RPS17: variants seen among roughly 807,000 people sequenced by gnomAD.
The protein encoded by RPS17 is ribosomal protein S17.
For synonymous variants in RPS17, 75 were observed against 65.6 expected (o/e 1.14, Z -0.70); for missense variants, 68 against 182.3 (o/e 0.37, Z 3.61).
intron 3 of RPS17, 112 bp from the exon 4 acceptor site, chr15:82,538,483 G>C: frequency 8.3e-7 from 1 of 1,212,088 alleles, no homozygotes; most frequent in Non-Finnish European, 1.2e-6. Context: ...CACAAGGATA[G>C]CATTCCTCTC....
In RPS17 at chr15:82,540,090, T is replaced by C; in HGVS notation, c.46A>G (p.Ile16Val). Reference protein sequence around the residue: ...TKTVKKAARVIIEKYYTRLGN... With the variant: ...TKTVKKAARVVIEKYYTRLGN... ...AGGCGCGTGTAGTACTTTTCTATGATGACCCGGGCCGCCTTCTTCACGGTT... is the reference window on the plus strand; with the variant it reads ...AGGCGCGTGTAGTACTTTTCTATGACGACCCGGGCCGCCTTCTTCACGGTT... The change falls in exon 2 of 5, where the codon ATC (isoleucine) becomes GTC (valine). Residue 16 changes from isoleucine (I) to valine (V), a missense_variant. Ile to Val is a conservative substitution (Grantham distance 29). Transcript: ENST00000647841. 1.9e-6 allele frequency: 3 copies of C among 1,613,524 alleles called. No homozygotes were observed. Among genetic ancestry groups the C allele is most frequent in the Admixed American group, 1.7e-5 (1 of 60,030 alleles).
chr15:82,536,784 A>T lies in RPS17; in HGVS notation c.*17T>A. The T allele has an allele frequency of 1.2e-6, 2 of 1,613,832 alleles. No homozygotes were observed. The highest frequency in any genetic ancestry group is 1.7e-6 in the Non-Finnish European group (2 of 1,179,688). ...GTCCCAGATTTATTGAAAATAATAC[A>T]GCACTACAGAAAAAATTCAAACAGG... On this transcript the variant is annotated 3_prime_UTR_variant, in exon 5 of 5. Transcript: ENST00000647841.
chr15:82,537,780 A>G (rs1190862860), intron 4 of RPS17: 1 of 439,698 alleles, frequency 2.3e-6, no homozygotes, highest in Non-Finnish European at 4.5e-6. Flanking sequence ...AATAGGAAAA[A>G]TGAAGTTGTT....
chr15:82,538,452 A>G, intron 3 of RPS17, 81 bp from the exon 4 acceptor site: 7 of 1,479,172 alleles, frequency 4.7e-6, no homozygotes, highest in Non-Finnish European at 6.6e-6. Flanking sequence ...CCAGGTTCTT[A>G]AATATGGGGA....
At chr15:82,536,951 C>A in intron 4 of RPS17, 70 bp from the exon 5 acceptor site, 1 of 1,585,452 alleles carries the variant, frequency 6.3e-7, no homozygotes. Context: ...GAAGAAAACA[C>A]AGGCCCCTAG....
chr15:82,539,864 C>A, intron 2 of RPS17, 117 bp downstream of exon 2: 1 of 1,519,486 alleles, frequency 6.6e-7, no homozygotes, highest in Non-Finnish European at 9.1e-7. Flanking sequence ...TTCTCCGGGA[C>A]ACCAGGGAGT....
At chr15:82,538,506 GTC>G (rs1411243165) in intron 3 of RPS17, 135 bp from the exon 4 acceptor site, 2 of 988,468 alleles carry the variant, frequency 2.0e-6, no homozygotes, top group Admixed American at 1.9e-5. Flanking sequence ...AAGGTGAGCA[GTC>G]TCTTACAGTA....
At chr15:82,539,391 T>C (rs894470305) in intron 2 of RPS17, 1 of 463,542 alleles carries the variant, frequency 2.2e-6, no homozygotes, top group Non-Finnish European at 4.3e-6. Flanking sequence ...AAGTAAGCAT[T>C]AGAAGTTGAC....
chr15:82,536,923 A>C, intron 4 of RPS17, 42 bp from the exon 5 acceptor site: 1 of 1,610,712 alleles, frequency 6.2e-7, no homozygotes, highest in Non-Finnish European at 8.5e-7. Context: ...TACTGGTGAG[A>C]TCTGTGAGTG....
intron 2 of RPS17, chr15:82,539,712 G>A: frequency 1.7e-6 from 1 of 601,230 alleles, no homozygotes; most frequent in East Asian, 2.9e-5. Context: ...AAAAAAGAAA[G>A]AAAAAAGTTG....
At chr15:82,538,225 G>T in intron 4 of RPS17, 81 bp downstream of exon 4, 3 of 1,499,178 alleles carry the variant, frequency 2.0e-6, no homozygotes, top group Non-Finnish European at 2.8e-6. Context: ...CCACTTACTA[G>T]CTGGGTGACC....
chr15:82,538,576 T>C (rs958821777), intron 3 of RPS17: 5 of 695,156 alleles, frequency 7.2e-6, no homozygotes, highest in East Asian at 5.5e-5. Flanking sequence ...TCATTCAGTA[T>C]TCAGAACACT....
intron 2 of RPS17, chr15:82,539,613 C>T: frequency 2.4e-6 from 1 of 411,720 alleles, no homozygotes; most frequent in Non-Finnish European, 4.7e-6. Context: ...CGCTTGAACC[C>T]GGGAGACGGA....
chr15:82,538,079 A>C, intron 4 of RPS17: 1 of 595,718 alleles, frequency 1.7e-6, no homozygotes. Context: ...AAGAGAGAAA[A>C]GGTGTCCTGG....
intron 4 of RPS17, chr15:82,538,000 C>G (rs1651959): frequency 0.3 from 144,366 of 482,898 alleles, 23,126 homozygotes; most frequent in South Asian, 0.42. Context: ...GAAAAGCAGG[C>G]AGATTCAGCC....
intron 3 of RPS17, chr15:82,538,621 A>T: frequency 1.5e-6 from 1 of 648,500 alleles, no homozygotes; most frequent in East Asian, 2.8e-5. Context: ...ATACTATATT[A>T]GGGGCAAACA....
At chr15:82,537,608 T>G (rs1395095843) in intron 4 of RPS17, 1 of 340,200 alleles carries the variant, frequency 2.9e-6, no homozygotes, top group Admixed American at 4.3e-5. Context: ...CATTTTAGTT[T>G]CAACAAAAAT....
In RPS17 at chr15:82,537,083, G is replaced by C. The variant is rs890673851; in HGVS notation, c.328-202C>G. The C allele has an allele frequency of 6.8e-4, 449 of 664,594 alleles. 4 individuals are homozygous for C. Among genetic ancestry groups the C allele is most frequent in the Admixed American group, 1.5e-3 (61 of 41,198 alleles). 41.2% of individuals were successfully genotyped at this position (664,594 alleles called of 1,614,324 possible). A position where few individuals can be genotyped will look rare whatever the true frequency, so the allele number is the denominator to read the frequency against. ...CCTTCAACACACACCTGACCATGTG[G>C]TATCCCCATTTACAACTCTATGACT... On this transcript the variant is annotated intron_variant, in intron 4 of 4. Transcript: ENST00000647841.
chr15:82,539,977 T>G lies in RPS17; in HGVS notation c.155+4A>C, dbSNP rs1595979742. 6.2e-7 allele frequency: 1 copy of G among 1,611,872 alleles called. No individual in the cohort carries two copies. The highest frequency in any genetic ancestry group is 1.3e-5 in the African/African-American group (1 of 74,866). On this transcript the variant is annotated splice_donor_region_variant and intron_variant, in intron 2 of 4. Transcript: ENST00000647841. ...CCCCGGAGGCCGAGGAAGGCCCGAC[T>G]CACCCTGCTATCTTGTTGCGGAGCT...
Sources: allele counts gnomAD v4.1 joint callset, GRCh38; gene constraint gnomAD v4.1.1; transcripts MANE v1.5; gene names NCBI Gene and HGNC (gene_info 2026-07-23, HGNC 2026-07-21).